Variants in ACO2 observed in about 807,000 individuals in gnomAD.
ACO2 encodes the protein aconitase 2.
In ACO2, 31 loss-of-function variants were observed where a neutral mutation model predicts 84.5. The observed-to-expected ratio is 0.37, with a 90% CI of 0.28 to 0.50. ACO2 has a LOEUF of 0.50. ACO2 is among the 20% of genes least tolerant of loss of function. The pLI is 0.97. For synonymous variants in ACO2, 414 were observed against 412.7 expected, an observed-to-expected ratio of 1.00 and a Z score of -0.04; for missense variants, 685 against 1,029.3, an observed-to-expected ratio of 0.67 and a Z score of 4.58.
chr22:41,487,162 G>A (rs2038167943), intron 1 of ACO2, among the ~76,000 whole-genome samples: 1 of 152,190 alleles, frequency 6.6e-6, no homozygotes, highest in Non-Finnish European at 1.5e-5. Context: ...GAGATGACAG[G>A]CATGAGCCAC....
chr22:41,513,345 T>C (rs1290153024), intron 4 of ACO2, among the ~76,000 whole-genome samples: 1 of 152,214 alleles, frequency 6.6e-6, no homozygotes, highest in Non-Finnish European at 1.5e-5. Flanking sequence ...TGTTTGTTTC[T>C]TTAAAAAGAA....
intron 11 of ACO2, among the ~76,000 whole-genome samples, chr22:41,523,518 C>A (rs2146135805): frequency 6.6e-6 from 1 of 152,340 alleles, no homozygotes; most frequent in South Asian, 2.1e-4. Context: ...AGGAGGAAGC[C>A]AGCGCGGCCT....
intron 16 of ACO2, 114 bp from the exon 17 acceptor site, chr22:41,527,787 C>A: frequency 1.3e-6 from 2 of 1,528,040 alleles, no homozygotes; most frequent in South Asian, 1.2e-5. Flanking sequence ...ACTGCCCGGG[C>A]ATTGTCCCAG....
At position 41,528,802 on chromosome 22, in the gene ACO2, C is replaced by T. The variant is rs2066660945; in HGVS notation, c.*189C>T. ...GGTTCTTAAAATAACTTTTTAGCCC[C>T]CGTCTTCCTATTTTGAGTTTGGTTC... On this transcript the variant is annotated 3_prime_UTR_variant, in exon 18 of 18. Transcript: ENST00000216254. 1.1e-5 allele frequency: 8 copies of T among 748,234 alleles called. No homozygotes were observed. The highest frequency in any genetic ancestry group is 2.9e-5 in the East Asian group (1 of 34,692). The allele number at this position is 748,234 out of a possible 1,614,324, so 46.3% of individuals were successfully genotyped here.
intron 1 of ACO2, among the ~76,000 whole-genome samples, chr22:41,496,477 T>C (rs1023018708): frequency 2.6e-5 from 4 of 152,106 alleles, no homozygotes; most frequent in South Asian, 2.1e-4. Context: ...ATCCTCACAA[T>C]AGCTCTGTGA....
At chr22:41,483,565 G>A (rs1053777940) in intron 1 of ACO2, among the ~76,000 whole-genome samples, 3 of 151,994 alleles carry the variant, frequency 2.0e-5, no homozygotes, top group Non-Finnish European at 4.4e-5. Flanking sequence ...GCTGAGGCAG[G>A]AGAATCGCTT....
chr22:41,493,425 T>C (rs910591814), intron 1 of ACO2, among the ~76,000 whole-genome samples: 2 of 152,132 alleles, frequency 1.3e-5, no homozygotes, highest in Non-Finnish European at 2.9e-5. Context: ...CATGTGACAT[T>C]TCATGCACTA....
intron 1 of ACO2, among the ~76,000 whole-genome samples, chr22:41,478,162 A>G (rs138036289): frequency 6.6e-6 from 1 of 151,812 alleles, no homozygotes; most frequent in African/African-American, 2.4e-5. Context: ...CCTTTTTTTC[A>G]AGATAGAGTC....
Position 41,507,911 on chromosome 22 carries a change from G to A in ACO2, c.294G>A (p.Met98Ile). ...YLRLRPDRVA[M>I]QDATAQMAML... ...GGCTGCGGCCGGACCGTGTGGCCAT[G>A]CAGGATGCGACGGCCCAGATGGCCA... is the stretch of plus-strand genomic sequence containing the variant. Residue 98 changes from methionine (M) to isoleucine (I), a missense_variant, in exon 3 of 18, where the codon ATG becomes ATA. Coordinates refer to ENST00000216254, the MANE Select transcript of ACO2 (RefSeq NM_001098.3). 6.2e-7 allele frequency: 1 copy of A among 1,614,274 alleles called. No individual in the cohort carries two copies.
chr22:41,515,305 G>A lies in ACO2; in HGVS notation c.526-72G>A, dbSNP rs914755516. On this transcript the variant is annotated intron_variant, in intron 4 of 17. Coordinates refer to ENST00000216254, the MANE Select transcript of ACO2 (RefSeq NM_001098.3). The surrounding 1 kb of genome is among the most constrained non-coding windows in gnomAD (Gnocchi z 5.8). ...TGGCTGGACGTGGTTGGGAGGCCCC[G>A]GGTCAGTGGGGCCATTTTTTGGTAT... The A allele has an allele frequency of 1.1e-5, 18 of 1,574,586 alleles. 1 individual carries two copies. Among genetic ancestry groups the A allele is most frequent in the South Asian group, 1.0e-4 (9 of 89,772 alleles).
At chr22:41,527,704 G>A (rs1384483811) in intron 16 of ACO2, 197 bp from the exon 17 acceptor site, 16 of 882,870 alleles carry the variant, frequency 1.8e-5, no homozygotes, top group African/African-American at 5.1e-5. Context: ...GGAAGGCCTC[G>A]CAGACCTCAG....
rs766668382 is a variant in ACO2, at chr22:41,499,749, C to T, written c.60C>T (p.Tyr20=). 2.9e-5 allele frequency: 47 copies of T among 1,613,294 alleles called. No homozygotes were observed. The South Asian group carries it at 4.9e-4, about 17-fold the overall frequency. ...AGAAAGCTCTGGGTGTGCGGCAGTA[C>T]CATGTGGCCTCAGTCCTGTGCCAAC... is the stretch of plus-strand genomic sequence containing the variant. ...RLQKALGVRQ[Y]HVASVLCQRA... is the part of the protein sequence containing the mutation. Residue 20 remains tyrosine (Y), a synonymous_variant, in exon 2 of 18, where the codon TAC becomes TAT. Transcript: ENST00000216254.
rs1487074980 is a variant in ACO2 at position 41,469,185 on chromosome 22, G to A, written c.36+3G>A. ...GCCTACTGGTGACTCGGCTGCAGGT[G>A]AGCGAGCTCAGGGACCTCTGGGTTC... On this transcript the variant is annotated splice_donor_region_variant and intron_variant, in intron 1 of 17. Coordinates refer to ENST00000216254, the MANE Select transcript of ACO2 (RefSeq NM_001098.3). 5 of 1,607,546 alleles carry A rather than the reference G, an allele frequency of 3.1e-6. No homozygotes were observed. Among genetic ancestry groups the A allele is most frequent in the Non-Finnish European group, 4.2e-6 (5 of 1,176,882 alleles).
chr22:41,522,287 C>T (rs913349763), intron 9 of ACO2, among the ~76,000 whole-genome samples: 2 of 152,186 alleles, frequency 1.3e-5, no homozygotes, highest in African/African-American at 4.8e-5. Context: ...GTGAGCAAGC[C>T]TCGACTGTGC....
At chr22:41,522,642 G>A (rs1038739739) in intron 9 of ACO2, among the ~76,000 whole-genome samples, 188 bp from the exon 10 acceptor site, 11 of 144,584 alleles carry the variant, frequency 7.6e-5, no homozygotes, top group African/African-American at 1.2e-4. Flanking sequence ...ATGACGCCAC[G>A]TCATGAGTTA....
At chr22:41,527,622 G>T in intron 16 of ACO2, 1 of 844,390 alleles carries the variant, frequency 1.2e-6, no homozygotes, top group Non-Finnish European at 1.8e-6. Flanking sequence ...CCTGCTTCCA[G>T]GCTTGTAGAT....
At chr22:41,475,519 GT>G (rs1195961645) in intron 1 of ACO2, among the ~76,000 whole-genome samples, 1 of 152,082 alleles carries the variant, frequency 6.6e-6, no homozygotes, top group Non-Finnish European at 1.5e-5. Flanking sequence ...CCAGCACCTG[GT>G]TTGGAAGGCA....
In ACO2 at chr22:41,522,679, G is replaced by A. The variant is rs1601925399; in HGVS notation, c.1139-151G>A. 4 of 764,248 alleles carry A rather than the reference G, an allele frequency of 5.2e-6. No homozygotes were observed. In the East Asian group the frequency reaches 8.1e-5, roughly 16 times the overall value. 47.3% of individuals were successfully genotyped at this position (764,248 alleles called of 1,614,324 possible). On this transcript the variant is annotated intron_variant, in intron 9 of 17. Transcript: ENST00000216254. Reference sequence around the variant, plus strand: ...CCTGTCCTTTATTGTTGGATATTTCGGTTGCTTGCAACTGGTCTCTGTTAA... The same window carrying A: ...CCTGTCCTTTATTGTTGGATATTTCAGTTGCTTGCAACTGGTCTCTGTTAA...
At position 41,528,663 on chromosome 22, in the gene ACO2, T is replaced by C; in HGVS notation, c.*50T>C. ...CTGGCGTCAAGTTCAGCTCCACGTGTGCCATCAGTGGATCCGATCCGTCCA... is the reference window on the plus strand; with the variant it reads ...CTGGCGTCAAGTTCAGCTCCACGTGCGCCATCAGTGGATCCGATCCGTCCA... On this transcript the variant is annotated 3_prime_UTR_variant, in exon 18 of 18. Coordinates refer to ENST00000216254, the MANE Select transcript of ACO2 (RefSeq NM_001098.3). 6.2e-7 allele frequency: 1 copy of C among 1,600,454 alleles called. No homozygotes were observed. The highest frequency in any genetic ancestry group is 8.5e-7 in the Non-Finnish European group (1 of 1,175,692).
Sources: gnomAD v4.1 joint callset for allele counts (sites outside exome capture counted in the v4.1 genomes callset) on GRCh38, gnomAD v4.1.1 for gene constraint, Gnocchi (gnomAD v3.1) non-coding constraint, MANE v1.5 for transcripts, NCBI Gene and HGNC (gene_info 2026-07-23, HGNC 2026-07-21) for gene names.